SLC35D4: variants seen among roughly 807,000 people sequenced by gnomAD.
SLC35D4 encodes solute carrier family 35 member D4.
chr18:23,275,751 G>A, the SLC35D4 span, among the ~76,000 whole-genome samples: 1 of 152,260 alleles, frequency 6.6e-6, no homozygotes, highest in African/African-American at 2.4e-5. Context: ...AGTGGGATGG[G>A]GTGTTCTAGA....
the SLC35D4 span, chr18:23,421,312 A>T: frequency 9.1e-6 from 13 of 1,421,040 alleles, no homozygotes; most frequent in African/African-American, 4.2e-5. Flanking sequence ...ATTATATAAT[A>T]TCAAAAGCAA....
At chr18:23,301,115 T>A in the SLC35D4 span, among the ~76,000 whole-genome samples, 3 of 152,240 alleles carry the variant, frequency 2.0e-5, no homozygotes, top group Non-Finnish European at 2.9e-5. Context: ...CTATTTGGTC[T>A]AAAAATAATT....
chr18:23,259,246 G>A, the SLC35D4 span: 1 of 152,044 alleles, frequency 6.6e-6, no homozygotes, highest in Non-Finnish European at 1.5e-5. Flanking sequence ...CTGAGAAGCA[G>A]GTCCTGTGGT....
chr18:23,302,505 C>T, the SLC35D4 span, among the ~76,000 whole-genome samples: 1 of 152,118 alleles, frequency 6.6e-6, no homozygotes, highest in Non-Finnish European at 1.5e-5. Flanking sequence ...TTATCAGTCC[C>T]AAATATTAAT....
the SLC35D4 span, among the ~76,000 whole-genome samples, chr18:23,273,993 C>T: frequency 1.3e-5 from 2 of 152,138 alleles, no homozygotes; most frequent in Non-Finnish European, 2.9e-5. Flanking sequence ...AGTGCAGTGG[C>T]ACAATCACGG....
chr18:23,404,127 A>AG, the SLC35D4 span, among the ~76,000 whole-genome samples: 1 of 152,222 alleles, frequency 6.6e-6, no homozygotes, highest in South Asian at 2.1e-4. Flanking sequence ...AGAAAAAAAA[A>AG]GTAAATACAC....
chr18:23,285,282 C>T, the SLC35D4 span, among the ~76,000 whole-genome samples: 2 of 152,026 alleles, frequency 1.3e-5, no homozygotes, highest in Non-Finnish European at 2.9e-5. Context: ...TTTAAACTTG[C>T]CTCCTTCACT....
the SLC35D4 span, among the ~76,000 whole-genome samples, chr18:23,246,922 A>G: frequency 6.6e-6 from 1 of 152,158 alleles, no homozygotes; most frequent in Non-Finnish European, 1.5e-5. Context: ...CGAACTCCTG[A>G]CCTCAAGTGA....
the SLC35D4 span, among the ~76,000 whole-genome samples, chr18:23,303,386 A>G: frequency 6.6e-6 from 1 of 152,202 alleles, no homozygotes; most frequent in African/African-American, 2.4e-5. Flanking sequence ...CATTTTTCTC[A>G]GGGCATACCA....
At chr18:23,303,038 T>C in the SLC35D4 span, among the ~76,000 whole-genome samples, 1 of 152,248 alleles carries the variant, frequency 6.6e-6, no homozygotes, top group Non-Finnish European at 1.5e-5. Context: ...AAAATAGGCC[T>C]GCAGCCTCTG....
chr18:23,437,720 G>A, the SLC35D4 span: 150 of 1,547,196 alleles, frequency 9.7e-5, no homozygotes, highest in Non-Finnish European at 1.3e-4. Context: ...TTTGTCACGG[G>A]AAGATTCTCC....
the SLC35D4 span, among the ~76,000 whole-genome samples, chr18:23,345,206 A>G: frequency 6.6e-6 from 1 of 152,186 alleles, no homozygotes; most frequent in East Asian, 1.9e-4. Context: ...AATCCTGGCC[A>G]GGCGCAGTGG....
the SLC35D4 span, among the ~76,000 whole-genome samples, chr18:23,429,774 C>A: frequency 6.6e-6 from 1 of 152,112 alleles, no homozygotes; most frequent in East Asian, 1.9e-4. Context: ...ATGTTAAGCA[C>A]TTTTTCATAT....
At chr18:23,309,042 T>A in the SLC35D4 span, among the ~76,000 whole-genome samples, 1 of 152,134 alleles carries the variant, frequency 6.6e-6, no homozygotes, top group African/African-American at 2.4e-5. Flanking sequence ...CTAGATTACT[T>A]GTAATATCAA....
chr18:23,283,471 C>CAAAAAAAAAAAAAAAAAAAAAAAAA, the SLC35D4 span, among the ~76,000 whole-genome samples: 1 of 44,436 alleles, frequency 2.3e-5, no homozygotes, highest in Non-Finnish European at 4.3e-5. Context: ...GACCCAGTCT[C>CAAAAAAAAAAAAAAAAAAAAAAAAA]AAAAAAAAAA....
the SLC35D4 span, among the ~76,000 whole-genome samples, chr18:23,350,875 C>T: frequency 6.6e-6 from 1 of 152,110 alleles, no homozygotes; most frequent in East Asian, 1.9e-4. Flanking sequence ...ACCACAGATT[C>T]GTTCTGTTCC....
At chr18:23,243,699 C>T in the SLC35D4 span, among the ~76,000 whole-genome samples, 2 of 151,586 alleles carry the variant, frequency 1.3e-5, no homozygotes, top group Admixed American at 6.6e-5. Flanking sequence ...ATGGCAAAAC[C>T]GTCTCTACTA....
At chr18:23,251,544 G>T in the SLC35D4 span, among the ~76,000 whole-genome samples, 8 of 152,208 alleles carry the variant, frequency 5.3e-5, no homozygotes, top group African/African-American at 1.7e-4. Context: ...TGAACTGGAG[G>T]AAACCCAGAA....
At chr18:23,269,621 C>T in the SLC35D4 span, among the ~76,000 whole-genome samples, 1 of 152,138 alleles carries the variant, frequency 6.6e-6, no homozygotes, top group Non-Finnish European at 1.5e-5. Context: ...CAGAAGAAGA[C>T]AGGAAGATGT....
Sources: gnomAD v4.1 joint callset for allele counts (sites outside exome capture counted in the v4.1 genomes callset) on GRCh38, gnomAD v4.1.1 for gene constraint, MANE v1.5 for transcripts, NCBI Gene and HGNC (gene_info 2026-07-23, HGNC 2026-07-21) for gene names.